ERI1: variants seen among roughly 807,000 people sequenced by gnomAD.
The protein encoded by ERI1 is exoribonuclease 1.
In ERI1, 39 loss-of-function variants were observed where a neutral mutation model predicts 39.7. The ratio of observed to expected loss-of-function variants is 0.98; its 90% CI spans 0.76 to 1.28. ERI1 has a LOEUF of 1.28. Ranked by LOEUF, ERI1 falls within the 50% of genes most tolerant of loss-of-function variation. ERI1 has a pLI of 0.00. For missense variants in ERI1, 581 were observed against 416.9 expected (o/e 1.39, Z -3.43); for synonymous variants, 204 against 149.6 (o/e 1.36, Z -2.65).
At chr8:9,064,518 A>C (rs368865965) in intron 3 of ERI1, among the ~76,000 whole-genome samples, 5,886 of 152,120 alleles carry the variant, frequency 0.039, 363 homozygotes, top group African/African-American at 0.13. Flanking sequence ...CTTTGTCTCT[A>C]CCAGAAAATG....
intron 1 of ERI1, among the ~76,000 whole-genome samples, chr8:9,006,205 T>G (rs1280979537): frequency 6.6e-6 from 1 of 152,220 alleles, no homozygotes; most frequent in East Asian, 1.9e-4. Flanking sequence ...ACCATTAGTG[T>G]AGATTTGAAA....
intron 1 of ERI1, among the ~76,000 whole-genome samples, chr8:9,005,590 C>T (rs1355774218): frequency 6.6e-6 from 1 of 150,846 alleles, no homozygotes; most frequent in East Asian, 1.9e-4. Context: ...TCTCGGCTCG[C>T]TGCAAGCTCC....
chr8:9,056,033 C>T (rs1305326321), intron 3 of ERI1, among the ~76,000 whole-genome samples: 2 of 152,220 alleles, frequency 1.3e-5, no homozygotes, highest in African/African-American at 4.8e-5. Context: ...ACTTTCTGAG[C>T]TCCAACATTG....
intron 3 of ERI1, among the ~76,000 whole-genome samples, chr8:9,048,280 T>C (rs1314440851): frequency 6.6e-6 from 1 of 151,954 alleles, no homozygotes; most frequent in Non-Finnish European, 1.5e-5. Flanking sequence ...GGATTTGTTT[T>C]TTTTAAGACT....
intron 3 of ERI1, among the ~76,000 whole-genome samples, chr8:9,074,885 G>C (rs186148831): frequency 1.4e-4 from 21 of 152,274 alleles, no homozygotes; most frequent in Non-Finnish European, 1.2e-4. Context: ...GTATCTCCTG[G>C]TGTGGTCTGG....
intron 3 of ERI1, among the ~76,000 whole-genome samples, chr8:9,041,023 T>C (rs545142677): frequency 4.6e-5 from 7 of 152,200 alleles, no homozygotes; most frequent in Admixed American, 3.9e-4. Flanking sequence ...CCGTTTTCAG[T>C]GCAGACAGCT....
intron 1 of ERI1, among the ~76,000 whole-genome samples, chr8:9,004,743 A>G (rs922908295): frequency 2.1e-5 from 2 of 95,402 alleles, no homozygotes; most frequent in East Asian, 3.0e-4. Flanking sequence ...CTGGAGTGCA[A>G]TGGCATGGTC....
intron 4 of ERI1, 104 bp from the exon 5 acceptor site, chr8:9,018,193 C>G: frequency 1.8e-6 from 1 of 567,476 alleles, no homozygotes; most frequent in East Asian, 2.8e-5. Flanking sequence ...AAGTATCAGC[C>G]TTTCTCATAC....
intron 3 of ERI1, among the ~76,000 whole-genome samples, chr8:9,085,654 T>C (rs1454678617): frequency 1.3e-5 from 2 of 152,102 alleles, no homozygotes; most frequent in Non-Finnish European, 2.9e-5. Context: ...CTACAGTATT[T>C]ACTATCTGGC....
At chr8:9,093,652 C>T (rs905810140) in intron 3 of ERI1, among the ~76,000 whole-genome samples, 1 of 152,224 alleles carries the variant, frequency 6.6e-6, no homozygotes, top group Non-Finnish European at 1.5e-5. Context: ...ACTGCAACCT[C>T]TGCCTCCTGG....
At chr8:9,027,766 G>C (rs986813053) in intron 6 of ERI1, among the ~76,000 whole-genome samples, 6 of 152,124 alleles carry the variant, frequency 3.9e-5, no homozygotes, top group Admixed American at 3.3e-4. Context: ...CAATGTATTT[G>C]TGAAAGTTTA....
At chr8:9,026,539 A>G (rs776544133) in intron 6 of ERI1, among the ~76,000 whole-genome samples, 6 of 151,944 alleles carry the variant, frequency 3.9e-5, no homozygotes, top group Admixed American at 2.0e-4. Flanking sequence ...AAGTTCATCC[A>G]TGTTGTATCA....
chr8:9,013,976 CTG>C (rs1328768584), intron 3 of ERI1, among the ~76,000 whole-genome samples: 1 of 152,172 alleles, frequency 6.6e-6, no homozygotes, highest in Non-Finnish European at 1.5e-5. Context: ...GTGTTTCTGT[CTG>C]TGTCCGCCTA....
chr8:9,003,880 T>G (rs1377540986), intron 1 of ERI1, among the ~76,000 whole-genome samples: 1 of 152,360 alleles, frequency 6.6e-6, no homozygotes, highest in African/African-American at 2.4e-5. Flanking sequence ...AAAGTGCGTA[T>G]TTGCAAGAGG....
chr8:9,072,074 A>G (rs1320561462), intron 3 of ERI1, among the ~76,000 whole-genome samples: 1 of 152,200 alleles, frequency 6.6e-6, no homozygotes, highest in Admixed American at 6.5e-5. Context: ...ACACACGTAC[A>G]CACACGCAAA....
At position 9,013,751 on chromosome 8, in the gene ERI1, C is replaced by A. The variant is rs541325505; in HGVS notation, c.498+1999C>A. Among the ~76,000 whole-genome samples the A allele has an allele frequency of 4.1e-4, 62 of 152,258 alleles. 1 individual carries two copies. The Middle Eastern group carries it at 0.014, about 33-fold the overall frequency. On this transcript the variant is annotated intron_variant, in intron 3 of 6. Coordinates refer to ENST00000250263, the MANE Select transcript of ERI1 (RefSeq NM_153332.4). ...CCTCCTGTAGCCTGGGGGATGGCAG[C>A]TTTTTCTAATTAGAATCCTTCTAAT...
rs763441637 is a variant in ERI1 at position 9,008,120 on chromosome 8, A to G, written c.259A>G (p.Lys87Glu). The G allele has an allele frequency of 6.3e-7, 1 of 1,596,282 alleles. No individual in the cohort carries two copies. The highest frequency in any genetic ancestry group is 1.2e-5 in the South Asian group (1 of 86,790). ...AATGAGTAAGGAAGAACTCAGAGCT[A>G]AGCTTTCAGAATTCAAGCTTGAAAC... is the stretch of plus-strand genomic sequence containing the variant. ...NRMSKEELRAKLSEFKLETRG... is the reference protein window; with the variant it reads ...NRMSKEELRAELSEFKLETRG... Residue 87 changes from lysine to glutamate, a missense_variant, in exon 2 of 7, where the codon AAG becomes GAG. Coordinates refer to ENST00000250263, the MANE Select transcript of ERI1 (RefSeq NM_153332.4).
chr8:9,075,033 A>G (rs1447831813), intron 3 of ERI1, among the ~76,000 whole-genome samples: 1 of 152,176 alleles, frequency 6.6e-6, no homozygotes, highest in Non-Finnish European at 1.5e-5. Flanking sequence ...TCCTTTCCTG[A>G]ATCGTATCTG....
In ERI1 at chr8:9,002,901, G is replaced by A. The variant is rs981525529; in HGVS notation, c.-163G>A. 9.0e-6 allele frequency: 4 copies of A among 446,292 alleles called. No homozygotes were observed. Among genetic ancestry groups the A allele is most frequent in the African/African-American group, 6.1e-5 (3 of 49,450 alleles). The allele number at this position is 446,292 out of a possible 1,614,324, so 27.6% of individuals were successfully genotyped here. ...CCTGCCCGGCGTGTGGACGCCACAC[G>A]CTCCCGGAAGTGGGAGGTGGCCGCT... On this transcript the variant is annotated 5_prime_UTR_variant, in exon 1 of 7. Coordinates refer to ENST00000250263, the MANE Select transcript of ERI1 (RefSeq NM_153332.4).
Sources: allele counts gnomAD v4.1 joint callset (sites outside exome capture counted in the v4.1 genomes callset), GRCh38; gene constraint gnomAD v4.1.1; transcripts MANE v1.5; gene names NCBI Gene and HGNC (gene_info 2026-07-23, HGNC 2026-07-21).